SNX29: variants seen among roughly 807,000 people sequenced by gnomAD.
The protein encoded by SNX29 is sorting nexin 29, also known as sorting nexin-29.
Under a neutral mutation model 102.1 loss-of-function variants are expected in SNX29, and 78 were observed. That is an observed-to-expected ratio of 0.76 (90% confidence interval 0.64 to 0.92). The LOEUF (loss-of-function observed/expected upper bound fraction) is 0.92, where lower values mean the gene tolerates loss of function less well. Among genes scored for constraint, SNX29 ranks in the 40% least tolerant of loss-of-function variants. SNX29 has a pLI of 0.00. For missense variants in SNX29, 1,280 were observed against 1,061.7 expected (o/e 1.21, Z -2.86); for synonymous variants, 580 against 414.5 (o/e 1.40, Z -4.85).
chr16:12,301,154 A>G (rs1264893528), intron 15 of SNX29, among the ~76,000 whole-genome samples: 2 of 152,200 alleles, frequency 1.3e-5, no homozygotes, highest in Non-Finnish European at 2.9e-5. Context: ...AATGAGTTAC[A>G]GTCCCTTCTA....
intron 20 of SNX29, among the ~76,000 whole-genome samples, chr16:12,532,888 A>G (rs929301206): frequency 2.0e-5 from 3 of 152,208 alleles, no homozygotes; most frequent in Non-Finnish European, 4.4e-5. Flanking sequence ...CTGCAGAATC[A>G]ACACCTAGCC....
chr16:12,410,974 C>T (rs1260216051), intron 18 of SNX29, among the ~76,000 whole-genome samples: 1 of 152,120 alleles, frequency 6.6e-6, no homozygotes, highest in Non-Finnish European at 1.5e-5. Flanking sequence ...ACCCACAGCT[C>T]TGTCTTTATG....
chr16:12,520,757 A>C (rs1346718677), intron 19 of SNX29, among the ~76,000 whole-genome samples: 1 of 129,706 alleles, frequency 7.7e-6, no homozygotes, highest in African/African-American at 3.4e-5. Context: ...TGGGCATGCA[A>C]ATACATACAG....
intron 20 of SNX29, among the ~76,000 whole-genome samples, chr16:12,552,501 A>G (rs983266376): frequency 6.6e-6 from 1 of 152,212 alleles, no homozygotes; most frequent in South Asian, 2.1e-4. Context: ...ATCTTGCTCA[A>G]AAATAGCCTG....
chr16:11,991,489 C>T (rs1181472677), intron 1 of SNX29, among the ~76,000 whole-genome samples: 3 of 151,478 alleles, frequency 2.0e-5, no homozygotes, highest in Admixed American at 6.6e-5. Context: ...TACATTTATT[C>T]ATTTTATTTT....
At chr16:12,368,845 C>G (rs2082579978) in intron 16 of SNX29, among the ~76,000 whole-genome samples, 1 of 152,228 alleles carries the variant, frequency 6.6e-6, no homozygotes, top group South Asian at 2.1e-4. Flanking sequence ...TCACGTGCCC[C>G]TTGTTCTCAT....
intron 20 of SNX29, among the ~76,000 whole-genome samples, chr16:12,562,296 C>G (rs142674026): frequency 1.3e-5 from 2 of 152,164 alleles, no homozygotes; most frequent in Non-Finnish European, 1.5e-5. Flanking sequence ...CAGCATCAAA[C>G]GTTATCGTTG....
intron 18 of SNX29, among the ~76,000 whole-genome samples, chr16:12,438,777 A>G (rs1450617720): frequency 6.6e-6 from 1 of 152,212 alleles, no homozygotes; most frequent in African/African-American, 2.4e-5. Context: ...CTGAGATCTG[A>G]TGACTGAGTT....
chr16:12,474,620 A>G (rs943082202), intron 18 of SNX29, among the ~76,000 whole-genome samples: 2 of 152,204 alleles, frequency 1.3e-5, no homozygotes, highest in Admixed American at 1.3e-4. Flanking sequence ...CACTCACAGG[A>G]GAGAGACTTG....
intron 15 of SNX29, among the ~76,000 whole-genome samples, chr16:12,328,285 A>G (rs1329325980): frequency 6.6e-6 from 1 of 152,196 alleles, no homozygotes; most frequent in Non-Finnish European, 1.5e-5. Context: ...TAGCTTGTTG[A>G]TATCTCTTGG....
At chr16:12,544,829 G>A (rs1263416484) in intron 20 of SNX29, among the ~76,000 whole-genome samples, 2 of 152,232 alleles carry the variant, frequency 1.3e-5, no homozygotes, top group African/African-American at 4.8e-5. Flanking sequence ...GCTTCAGCAA[G>A]AACTCCTTGG....
At chr16:12,403,255 TAG>T (rs1204369524) in intron 17 of SNX29, among the ~76,000 whole-genome samples, 191 bp from the exon 18 acceptor site, 1 of 100,952 alleles carries the variant, frequency 9.9e-6, no homozygotes, top group Non-Finnish European at 2.1e-5. Flanking sequence ...TGTGTGTGTG[TAG>T]AGAGAGACAG....
intron 20 of SNX29, chr16:12,556,544 G>A (rs563044337): frequency 3.7e-4 from 56 of 152,404 alleles, no homozygotes; most frequent in African/African-American, 1.3e-3. Flanking sequence ...TTACAGCTGT[G>A]GGAAACATTT....
intron 18 of SNX29, among the ~76,000 whole-genome samples, chr16:12,444,486 G>A (rs1216435181): frequency 1.3e-5 from 2 of 152,238 alleles, no homozygotes; most frequent in Non-Finnish European, 2.9e-5. Flanking sequence ...AGATACTCAA[G>A]TACTGGCCCC....
chr16:12,289,851 G>A (rs1046348693), intron 15 of SNX29, among the ~76,000 whole-genome samples: 6 of 151,990 alleles, frequency 3.9e-5, no homozygotes, highest in African/African-American at 1.4e-4. Context: ...CTTGATGGAC[G>A]CGAGTGAAAG....
At chr16:12,336,038 A>G (rs909339117) in intron 15 of SNX29, among the ~76,000 whole-genome samples, 1 of 152,160 alleles carries the variant, frequency 6.6e-6, no homozygotes, top group African/African-American at 2.4e-5. Flanking sequence ...AGCACTTGAT[A>G]TCTTTATGAA....
chr16:12,252,882 A>C (rs1486891106), intron 14 of SNX29, among the ~76,000 whole-genome samples: 1 of 152,240 alleles, frequency 6.6e-6, no homozygotes, highest in Admixed American at 6.5e-5. Flanking sequence ...CTAATTGCTC[A>C]TCAGACCCAC....
chr16:12,516,230 A>T (rs1464178255), intron 19 of SNX29, among the ~76,000 whole-genome samples: 1 of 152,162 alleles, frequency 6.6e-6, no homozygotes, highest in Non-Finnish European at 1.5e-5. Flanking sequence ...CTGTGATCTC[A>T]GCACTCTAGG....
chr16:12,111,770 G>A (rs1297782082), intron 11 of SNX29, among the ~76,000 whole-genome samples: 2 of 152,186 alleles, frequency 1.3e-5, no homozygotes, highest in East Asian at 1.9e-4. Flanking sequence ...GAGTGAGAGC[G>A]AGAGATCTTC....
Sources: allele counts gnomAD v4.1 joint callset (sites outside exome capture counted in the v4.1 genomes callset), GRCh38; gene constraint gnomAD v4.1.1; transcripts MANE v1.5; gene names NCBI Gene and HGNC (gene_info 2026-07-23, HGNC 2026-07-21).